The following XNDC1N variants were observed in gnomAD, a reference collection of about 807,000 sequenced individuals.
XNDC1N encodes the protein XRCC1 N-terminal domain containing 1, N-terminal like, also known as protein XNDC1N.
At chr11:71,888,977 G>C in the XNDC1N span, among the ~76,000 whole-genome samples, 1 of 152,208 alleles carries the variant, frequency 6.6e-6, no homozygotes, top group Non-Finnish European at 1.5e-5. Flanking sequence ...GGCATCAGTA[G>C]ACTGGGAACT....
At chr11:71,895,261 T>C in the XNDC1N span, among the ~76,000 whole-genome samples, 2 of 152,124 alleles carry the variant, frequency 1.3e-5, no homozygotes, top group Non-Finnish European at 1.5e-5. Flanking sequence ...AGCAACACCA[T>C]ACAAATATTT....
chr11:71,923,448 C>T, the XNDC1N span: 1 of 668,828 alleles, frequency 1.5e-6, no homozygotes, highest in Non-Finnish European at 2.7e-6. Context: ...TGTTAGCTTC[C>T]AGAAAAGCAA....
At chr11:71,923,463 C>A in the XNDC1N span, 1 of 664,232 alleles carries the variant, frequency 1.5e-6, no homozygotes. Context: ...AAGCAAGAAT[C>A]CTCACATTAC....
chr11:71,910,389 G>T, the XNDC1N span, among the ~76,000 whole-genome samples: 1 of 152,300 alleles, frequency 6.6e-6, no homozygotes, highest in East Asian at 1.9e-4. Flanking sequence ...CTTTCAGTGG[G>T]AAGATCCGGA....
the XNDC1N span, among the ~76,000 whole-genome samples, chr11:71,908,925 C>T: frequency 1.3e-5 from 2 of 152,136 alleles, no homozygotes; most frequent in East Asian, 3.8e-4. Flanking sequence ...AAGGCTAAAG[C>T]GAGACAGAGA....
chr11:71,917,365 C>A, the XNDC1N span: 1 of 611,590 alleles, frequency 1.6e-6, no homozygotes, highest in Non-Finnish European at 2.9e-6. Context: ...TGGGCCCTAC[C>A]GAACCACAAG....
the XNDC1N span, among the ~76,000 whole-genome samples, chr11:71,899,057 C>T: frequency 6.6e-6 from 1 of 152,190 alleles, no homozygotes; most frequent in Non-Finnish European, 1.5e-5. Context: ...TGGACACTCA[C>T]TTTTCTCTTC....
At chr11:71,881,014 G>A in the XNDC1N span, among the ~76,000 whole-genome samples, 1 of 152,190 alleles carries the variant, frequency 6.6e-6, no homozygotes, top group Non-Finnish European at 1.5e-5. Context: ...TTGTGTAAAT[G>A]TCTGTTAAGT....
chr11:71,900,518 G>A, the XNDC1N span, among the ~76,000 whole-genome samples: 2 of 152,132 alleles, frequency 1.3e-5, no homozygotes, highest in African/African-American at 4.8e-5. Flanking sequence ...TTCTGTTCTT[G>A]GTTGTGCTGG....
At chr11:71,904,998 CA>C in the XNDC1N span, among the ~76,000 whole-genome samples, 6 of 151,828 alleles carry the variant, frequency 4.0e-5, no homozygotes, top group Admixed American at 2.0e-4. Context: ...CGAATAATAT[CA>C]GGGGGTGCAC....
the XNDC1N span, among the ~76,000 whole-genome samples, chr11:71,896,931 C>G: frequency 6.6e-6 from 1 of 152,186 alleles, no homozygotes; most frequent in African/African-American, 2.4e-5. Context: ...AACTTCTCAC[C>G]TTTATGTTCA....
chr11:71,900,942 C>A, the XNDC1N span, among the ~76,000 whole-genome samples: 2 of 152,156 alleles, frequency 1.3e-5, no homozygotes, highest in Non-Finnish European at 2.9e-5. Flanking sequence ...TTTGGCCAGT[C>A]CTCTCCCTGC....
the XNDC1N span, among the ~76,000 whole-genome samples, chr11:71,911,223 G>A: frequency 2.0e-5 from 3 of 152,218 alleles, no homozygotes; most frequent in Non-Finnish European, 2.9e-5. Context: ...GAATACTAAA[G>A]GACATCATTG....
the XNDC1N span, chr11:71,917,537 A>C: frequency 1.4e-6 from 1 of 703,558 alleles, no homozygotes; most frequent in Non-Finnish European, 2.6e-6. Context: ...GTCTACACCT[A>C]ATAGCACTCA....
the XNDC1N span, among the ~76,000 whole-genome samples, chr11:71,913,045 C>T: frequency 7.9e-4 from 120 of 152,200 alleles, no homozygotes; most frequent in African/African-American, 2.6e-3. Context: ...CGATATTCAA[C>T]GTAACCTTAT....
At chr11:71,891,853 AG>A in the XNDC1N span, among the ~76,000 whole-genome samples, 2 of 151,864 alleles carry the variant, frequency 1.3e-5, no homozygotes, top group Admixed American at 1.3e-4. Flanking sequence ...ACTCTTTCAC[AG>A]GCCATTTGGA....
the XNDC1N span, among the ~76,000 whole-genome samples, chr11:71,879,392 A>AT: frequency 6.6e-6 from 1 of 152,334 alleles, no homozygotes; most frequent in Middle Eastern, 3.4e-3. Flanking sequence ...TAATTTTAAA[A>AT]TTCATCAATA....
At chr11:71,923,523 C>G in the XNDC1N span, 6 of 601,410 alleles carry the variant, frequency 1.0e-5, no homozygotes, top group Admixed American at 5.9e-5. Flanking sequence ...GCTGTGGTAA[C>G]AGGAGTTACT....
At chr11:71,898,535 A>T in the XNDC1N span, among the ~76,000 whole-genome samples, 3 of 152,204 alleles carry the variant, frequency 2.0e-5, no homozygotes, top group African/African-American at 7.2e-5. Flanking sequence ...TGAACCCAGG[A>T]TGTGGAGATT....
Sources: allele counts gnomAD v4.1 joint callset (sites outside exome capture counted in the v4.1 genomes callset), GRCh38; gene constraint gnomAD v4.1.1; transcripts MANE v1.5; gene names NCBI Gene and HGNC (gene_info 2026-07-23, HGNC 2026-07-21).